Variants in ARHGAP23 observed in about 807,000 individuals in gnomAD.
The protein encoded by ARHGAP23 is rho GTPase-activating protein 23.
ARHGAP23 carries 34 observed loss-of-function variants against 136.3 expected under a neutral mutation model. The observed-to-expected ratio is 0.25, with a 90% CI of 0.19 to 0.33. The LOEUF (loss-of-function observed/expected upper bound fraction) is 0.33. ARHGAP23 is among the 10% of genes least tolerant of loss of function. The pLI, the probability that ARHGAP23 is intolerant of heterozygous loss-of-function variation, is 1.00. For missense variants in ARHGAP23, 1,808 were observed against 2,139.0 expected, an observed-to-expected ratio of 0.85 and a Z score of 3.05; for synonymous variants, 832 against 920.5, an observed-to-expected ratio of 0.90 and a Z score of 1.74.
chr17:38,458,261 A>G lies in ARHGAP23; in HGVS notation c.223A>G (p.Lys75Glu). ...PPESAVHCSLKEEENGGRGGG... is the reference protein window; with the variant it reads ...PPESAVHCSLEEEENGGRGGG... ...CGAGTCGGCCGTGCACTGCAGCCTG[A>G]AGGTATGCCCGGCTCGCCGCTGCCC... Residue 75 changes from lysine to glutamate, a missense_variant and splice_region_variant, in exon 2 of 24, where the codon AAG (lysine) becomes GAG (glutamate). Physicochemically the swap from Lys to Glu is moderately conservative, Grantham distance 56. Around this residue, in one of 7 missense-constraint regions of ARHGAP23, gnomAD observed 859 missense variants for 936.4 expected, o/e 0.92. Coordinates refer to ENST00000622683, the MANE Select transcript of ARHGAP23 (RefSeq NM_001199417.2). 3 of 1,520,194 alleles carry G rather than the reference A, an allele frequency of 2.0e-6. No individual in the cohort carries two copies. The highest frequency in any genetic ancestry group is 2.6e-6 in the Non-Finnish European group (3 of 1,137,338). The allele number at this position is 1,520,194 out of a possible 1,614,324, so 94.2% of individuals were successfully genotyped here.
At chr17:38,471,707 C>T (rs2039762623) in intron 10 of ARHGAP23, among the ~76,000 whole-genome samples, 156 bp from the exon 11 acceptor site, 1 of 152,216 alleles carries the variant, frequency 6.6e-6, no homozygotes, top group Non-Finnish European at 1.5e-5. Context: ...CACAAGTGGT[C>T]CAGAGAGGAC....
intron 2 of ARHGAP23, among the ~76,000 whole-genome samples, chr17:38,459,259 T>G (rs2039403461): frequency 6.6e-6 from 1 of 152,226 alleles, no homozygotes; most frequent in Non-Finnish European, 1.5e-5. Context: ...TGTGTTCGTG[T>G]GCTCACATGT....
intron 4 of ARHGAP23, 54 bp from the exon 5 acceptor site, chr17:38,463,064 C>G: frequency 6.5e-7 from 1 of 1,544,510 alleles, no homozygotes; most frequent in African/African-American, 1.4e-5. Context: ...CAGGGGTTCT[C>G]AGATGGGGCC....
chr17:38,486,048 G>C lies in ARHGAP23; in HGVS notation c.2908-14G>C. The C allele has an allele frequency of 1.3e-6, 2 of 1,550,520 alleles. No individual in the cohort carries two copies. Among genetic ancestry groups the C allele is most frequent in the East Asian group, 2.4e-5 (1 of 40,912 alleles). On this transcript the variant is annotated splice_polypyrimidine_tract_variant and intron_variant, in intron 16 of 23. Coordinates refer to ENST00000622683, the MANE Select transcript of ARHGAP23 (RefSeq NM_001199417.2). ...CTGGGCCTGCCTGTGCCTGACATCT[G>C]ACCCCTCCCCCAGCGCTGGCAAGAC... is the stretch of plus-strand genomic sequence containing the variant.
At chr17:38,436,705 T>G (rs2038805302) in intron 1 of ARHGAP23, among the ~76,000 whole-genome samples, 1 of 152,232 alleles carries the variant, frequency 6.6e-6, no homozygotes, top group African/African-American at 2.4e-5. Flanking sequence ...TTCTAAGATT[T>G]GCATCCAGCC....
At chr17:38,427,359 G>A (rs1266857177), upstream of ARHGAP23, among the ~76,000 whole-genome samples, 2 of 152,186 alleles carry the variant, frequency 1.3e-5, no homozygotes, top group Non-Finnish European at 2.9e-5. Flanking sequence ...AGCTACCTGG[G>A]GAGGCTGAGG....
At chr17:38,427,192 G>A (rs1360280102), upstream of ARHGAP23, among the ~76,000 whole-genome samples, 1 of 152,232 alleles carries the variant, frequency 6.6e-6, no homozygotes, top group Non-Finnish European at 1.5e-5. Context: ...GCCAGGCATG[G>A]TGGCTCACGC....
rs573835627 is a variant in ARHGAP23 at position 38,466,222 on chromosome 17, G to A, written c.539G>A (p.Arg180His). The change falls in exon 7 of 24, where the codon CGC becomes CAC. Residue 180 changes from arginine (R) to histidine (H), a missense_variant. Arg to His is a conservative substitution (Grantham distance 29). Around this residue, in one of 7 missense-constraint regions of ARHGAP23, gnomAD observed 859 missense variants for 936.4 expected, o/e 0.92. Coordinates refer to ENST00000622683, the MANE Select transcript of ARHGAP23 (RefSeq NM_001199417.2). ...KGNEPYSGEA[R>H]SIPEPPPICY... is the part of the protein sequence containing the mutation. ...AACGAGCCGTATTCTGGAGAGGCCC[G>A]CAGCATCCCAGAGCCACCCCCGATC... 7.8e-5 allele frequency: 120 copies of A among 1,542,556 alleles called. 1 individual carries two copies. The South Asian group carries it at 9.4e-4, about 12-fold the overall frequency.
chr17:38,469,317 C>T lies in ARHGAP23; in HGVS notation c.1804+18C>T. On this transcript the variant is annotated intron_variant, in intron 8 of 23. Coordinates refer to ENST00000622683, the MANE Select transcript of ARHGAP23 (RefSeq NM_001199417.2). ...GGACTGCAGTGAGCACTCCCCACACCCCCAGCCCCACCCTCTCCCTCGCTG... is the reference window on the plus strand; with the variant it reads ...GGACTGCAGTGAGCACTCCCCACACTCCCAGCCCCACCCTCTCCCTCGCTG... 2 of 1,543,206 alleles carry T rather than the reference C, an allele frequency of 1.3e-6. No individual in the cohort carries two copies. Among genetic ancestry groups the T allele is most frequent in the Non-Finnish European group, 1.8e-6 (2 of 1,142,174 alleles).
upstream of ARHGAP23, among the ~76,000 whole-genome samples, chr17:38,424,150 G>C (rs1178288085): frequency 6.6e-6 from 1 of 152,098 alleles, no homozygotes; most frequent in Non-Finnish European, 1.5e-5. Flanking sequence ...TTGATTCAGG[G>C]CTCCTTTGAG....
At chr17:38,494,797 A>G (rs1280863535) in intron 20 of ARHGAP23, among the ~76,000 whole-genome samples, 1 of 152,166 alleles carries the variant, frequency 6.6e-6, no homozygotes, top group Admixed American at 6.5e-5. Context: ...GCAGGGAGAA[A>G]GGGCATCCCA....
chr17:38,489,687 C>G (rs959058866), intron 17 of ARHGAP23: 2 of 178,352 alleles, frequency 1.1e-5, no homozygotes, highest in African/African-American at 4.7e-5. Context: ...TAAAGGTCCC[C>G]ATGGACTTGT....
At chr17:38,448,294 T>C (rs1390831458) in intron 1 of ARHGAP23, among the ~76,000 whole-genome samples, 3 of 152,138 alleles carry the variant, frequency 2.0e-5, no homozygotes, top group African/African-American at 7.2e-5. Context: ...TCACCGTGTC[T>C]TTGTGTATCC....
chr17:38,511,102 A>G lies in ARHGAP23; in HGVS notation c.*130A>G. The G allele has an allele frequency of 1.0e-6, 1 of 988,016 alleles. No homozygotes were observed. The highest frequency in any genetic ancestry group is 1.4e-6 in the Non-Finnish European group (1 of 728,112). The allele number at this position is 988,016 out of a possible 1,614,324, so 61.2% of individuals were successfully genotyped here. A position where few individuals can be genotyped will look rare whatever the true frequency, so the allele number is the denominator to read the frequency against. ...GGTGTGGGTGGAGGGCGCAGCAGGCAGTGTCTCTAGTTGGTGTGCTGGAAC... is the reference window on the plus strand; with the variant it reads ...GGTGTGGGTGGAGGGCGCAGCAGGCGGTGTCTCTAGTTGGTGTGCTGGAAC... On this transcript the variant is annotated 3_prime_UTR_variant, in exon 24 of 24. Transcript: ENST00000622683.
At chr17:38,424,550 C>T (rs994016490), upstream of ARHGAP23, among the ~76,000 whole-genome samples, 1 of 152,142 alleles carries the variant, frequency 6.6e-6, no homozygotes, top group African/African-American at 2.4e-5. Context: ...TGCCTACCCC[C>T]AAGCCAGGGT....
chr17:38,428,861 G>A (rs544742014), intron 1 of ARHGAP23, among the ~76,000 whole-genome samples: 41 of 152,272 alleles, frequency 2.7e-4, no homozygotes, highest in South Asian at 1.7e-3. Flanking sequence ...CAGCGGGGGC[G>A]GGAGGCCCGC....
intron 1 of ARHGAP23, chr17:38,451,202 C>T (rs1365067449): frequency 6.6e-6 from 1 of 152,278 alleles, no homozygotes. Context: ...CTTTGAGGCC[C>T]CACTGTGTGC....
intron 23 of ARHGAP23, among the ~76,000 whole-genome samples, chr17:38,508,411 G>T (rs150887224): frequency 8.3e-4 from 127 of 152,326 alleles, no homozygotes; most frequent in African/African-American, 2.8e-3. Flanking sequence ...GTTGGGGTCA[G>T]GGCAGAGCAG....
chr17:38,438,758 C>T (rs894275592), intron 1 of ARHGAP23, among the ~76,000 whole-genome samples: 3 of 151,654 alleles, frequency 2.0e-5, no homozygotes, highest in South Asian at 2.1e-4. Flanking sequence ...CTGAGGTGGG[C>T]GGATCATCTG....
Sources: allele counts gnomAD v4.1 joint callset (sites outside exome capture counted in the v4.1 genomes callset), GRCh38; gene constraint gnomAD v4.1.1; regional missense constraint gnomAD v4.1.1; transcripts MANE v1.5; gene names NCBI Gene and HGNC (gene_info 2026-07-23, HGNC 2026-07-21).